The following MAML3 variants were observed in gnomAD, a reference collection of about 807,000 sequenced individuals.
The protein encoded by MAML3 is mastermind-like protein 3.
A neutral mutation model predicts 101.9 loss-of-function variants in MAML3; 27 were observed. The ratio of observed to expected loss-of-function variants is 0.27; its 90% CI spans 0.20 to 0.37. The LOEUF is 0.37. Ranked by LOEUF, MAML3 falls within the 10% of genes least tolerant of loss-of-function variation. The probability of loss-of-function intolerance (pLI) is 1.00; values close to 1 mark genes in which losing one functional copy is unlikely to be tolerated. For missense variants in MAML3, 1,316 were observed against 1,444.9 expected (o/e 0.91, Z 1.45); for synonymous variants, 501 against 555.9 (o/e 0.90, Z 1.39).
intron 2 of MAML3, among the ~76,000 whole-genome samples, chr4:139,841,105 T>C (rs955536922): frequency 2.6e-5 from 4 of 152,062 alleles, no homozygotes; most frequent in African/African-American, 9.7e-5. Flanking sequence ...GGAAGTATGG[T>C]CACCAAATTT....
intron 1 of MAML3, among the ~76,000 whole-genome samples, chr4:140,087,017 G>A (rs899635063): frequency 2.6e-5 from 4 of 152,102 alleles, no homozygotes; most frequent in Admixed American, 2.0e-4. Flanking sequence ...AAACTTAGCC[G>A]GGCATAGTGG....
intron 1 of MAML3, among the ~76,000 whole-genome samples, chr4:139,960,007 A>G (rs1017427050): frequency 1.1e-4 from 16 of 152,212 alleles, no homozygotes; most frequent in African/African-American, 3.9e-4. Context: ...AGAGACTATC[A>G]TTTAGCTGGA....
At chr4:140,049,710 GA>G (rs1727237649) in intron 1 of MAML3, among the ~76,000 whole-genome samples, 1 of 152,048 alleles carries the variant, frequency 6.6e-6, no homozygotes, top group Admixed American at 6.6e-5. Flanking sequence ...GTGCTGCCTG[GA>G]TGGTGGGTGG....
At chr4:140,035,757 T>C (rs554885374) in intron 1 of MAML3, among the ~76,000 whole-genome samples, 1 of 148,942 alleles carries the variant, frequency 6.7e-6, no homozygotes, top group South Asian at 2.1e-4. Context: ...CACTCCAGCC[T>C]GGGCAACAGA....
intron 1 of MAML3, among the ~76,000 whole-genome samples, chr4:140,118,851 T>C (rs575768272): frequency 6.2e-4 from 95 of 152,292 alleles, no homozygotes; most frequent in African/African-American, 2.2e-3. Flanking sequence ...GTAACCCAAG[T>C]TGATTAGATT....
At chr4:140,151,939 C>T (rs1259849946) in intron 1 of MAML3, among the ~76,000 whole-genome samples, 2 of 152,172 alleles carry the variant, frequency 1.3e-5, no homozygotes, top group Non-Finnish European at 2.9e-5. Flanking sequence ...TTAAGCAGGC[C>T]CCCAAAGTTG....
At chr4:139,951,339 A>T (rs1432388632) in intron 1 of MAML3, among the ~76,000 whole-genome samples, 1 of 152,250 alleles carries the variant, frequency 6.6e-6, no homozygotes, top group African/African-American at 2.4e-5. Flanking sequence ...GTGACCACAG[A>T]GTCAATGCAC....
At chr4:139,746,663 G>A (rs573075337) in intron 2 of MAML3, among the ~76,000 whole-genome samples, 8 of 152,176 alleles carry the variant, frequency 5.3e-5, no homozygotes, top group Admixed American at 2.0e-4. Context: ...ACAAGATTCC[G>A]CAGACGTTTG....
intron 2 of MAML3, among the ~76,000 whole-genome samples, chr4:139,818,734 A>G (rs944567985): frequency 6.6e-6 from 1 of 152,218 alleles, no homozygotes; most frequent in Non-Finnish European, 1.5e-5. Context: ...TATTATATGG[A>G]AAGAACTTAG....
intron 1 of MAML3, chr4:140,134,663 T>C: frequency 3.7e-6 from 1 of 273,224 alleles, no homozygotes; most frequent in Non-Finnish European, 7.2e-6. Flanking sequence ...GATTTTGGCC[T>C]TTTAATGACA....
intron 1 of MAML3, among the ~76,000 whole-genome samples, chr4:139,966,876 C>T (rs1289084939): frequency 6.6e-6 from 1 of 152,156 alleles, no homozygotes; most frequent in Non-Finnish European, 1.5e-5. Context: ...TGACTTCCCA[C>T]TAATCAAGTG....
intron 1 of MAML3, among the ~76,000 whole-genome samples, chr4:139,898,054 C>G (rs1044583648): frequency 6.6e-6 from 1 of 152,232 alleles, no homozygotes; most frequent in African/African-American, 2.4e-5. Flanking sequence ...CACAGTCTCT[C>G]TTGACAGCCA....
At chr4:139,991,841 G>T (rs1230140325) in intron 1 of MAML3, among the ~76,000 whole-genome samples, 1 of 151,832 alleles carries the variant, frequency 6.6e-6, no homozygotes, top group Non-Finnish European at 1.5e-5. Context: ...GCAAGATCCT[G>T]TCTCAGAAAA....
At chr4:140,021,380 C>G (rs1726730645) in intron 1 of MAML3, among the ~76,000 whole-genome samples, 1 of 152,196 alleles carries the variant, frequency 6.6e-6, no homozygotes, top group Non-Finnish European at 1.5e-5. Context: ...GCAGCATAAC[C>G]TTTATGTAAG....
chr4:139,931,239 G>A (rs1578603573), intron 1 of MAML3, among the ~76,000 whole-genome samples: 1 of 152,252 alleles, frequency 6.6e-6, no homozygotes, highest in Middle Eastern at 3.4e-3. Flanking sequence ...ACACAGCCTC[G>A]CTCTTCTGCA....
chr4:140,096,477 G>T (rs925087222), intron 1 of MAML3, among the ~76,000 whole-genome samples: 1 of 152,064 alleles, frequency 6.6e-6, no homozygotes, highest in Admixed American at 6.5e-5. Flanking sequence ...AAGTTAAAGA[G>T]GTAACTTGTG....
intron 2 of MAML3, among the ~76,000 whole-genome samples, chr4:139,810,496 T>A (rs1475458494): frequency 6.6e-6 from 1 of 152,122 alleles, no homozygotes; most frequent in South Asian, 2.1e-4. Context: ...GGCCTAAAAT[T>A]AATTTTTATC....
In MAML3 at chr4:140,129,204, G is replaced by GA. The variant is rs1728738608; in HGVS notation, c.468+23655dup. On this transcript the variant is annotated intron_variant, in intron 1 of 4. Transcript: ENST00000509479. ...AGCATTTAAAAGTGTCTCACACTCA[G>GA]AAAATGTGAGCTGTTAGTATTATCA... is the stretch of plus-strand genomic sequence containing the variant. Among the ~76,000 whole-genome samples the GA allele has an allele frequency of 2.0e-5, 3 of 152,182 alleles. No individual in the cohort carries two copies. In the South Asian group the frequency reaches 6.2e-4, roughly 32 times the overall value.
chr4:140,056,236 C>CCT (rs1024975094), intron 1 of MAML3, among the ~76,000 whole-genome samples: 1 of 152,190 alleles, frequency 6.6e-6, no homozygotes, highest in Non-Finnish European at 1.5e-5. Flanking sequence ...TAAGAAATCA[C>CCT]CTCTCTACAT....
Sources: allele counts gnomAD v4.1 joint callset (sites outside exome capture counted in the v4.1 genomes callset), GRCh38; gene constraint gnomAD v4.1.1; transcripts MANE v1.5; gene names NCBI Gene and HGNC (gene_info 2026-07-23, HGNC 2026-07-21).